Variants in SLC9A9 observed in about 807,000 individuals in gnomAD.
The protein encoded by SLC9A9 is sodium/hydrogen exchanger 9.
In SLC9A9, 62 loss-of-function variants were observed where a neutral mutation model predicts 77.8. The ratio of observed to expected loss-of-function variants is 0.80; its 90% CI spans 0.65 to 0.98. SLC9A9 has a LOEUF of 0.98. Ranked by LOEUF, SLC9A9 falls within the 50% of genes least tolerant of loss-of-function variation. The pLI is 0.00. For missense variants in SLC9A9, 775 were observed against 774.9 expected (o/e 1.00, Z 0.00); for synonymous variants, 320 against 283.5 (o/e 1.13, Z -1.29).
At chr3:143,529,650 A>G (rs549437379) in intron 9 of SLC9A9, among the ~76,000 whole-genome samples, 10 of 152,280 alleles carry the variant, frequency 6.6e-5, no homozygotes, top group African/African-American at 2.2e-4. Context: ...GGACTCAGTA[A>G]CCCATCAATG....
chr3:143,803,888 A>G (rs2008637971), intron 2 of SLC9A9, among the ~76,000 whole-genome samples: 1 of 152,104 alleles, frequency 6.6e-6, no homozygotes, highest in Non-Finnish European at 1.5e-5. Context: ...CCTCCTGAAG[A>G]ACTTCTTTAC....
At chr3:143,746,401 C>T (rs1321773926) in intron 4 of SLC9A9, among the ~76,000 whole-genome samples, 1 of 152,144 alleles carries the variant, frequency 6.6e-6, no homozygotes, top group Non-Finnish European at 1.5e-5. Flanking sequence ...AATCATAACC[C>T]TCACACAGCA....
At chr3:143,276,652 G>A (rs1388377837) in intron 14 of SLC9A9, among the ~76,000 whole-genome samples, 1 of 151,624 alleles carries the variant, frequency 6.6e-6, no homozygotes, top group Non-Finnish European at 1.5e-5. Context: ...ACTAGGAACT[G>A]TCCATGAGTC....
At chr3:143,680,354 G>T (rs1933046782) in intron 5 of SLC9A9, among the ~76,000 whole-genome samples, 1 of 152,016 alleles carries the variant, frequency 6.6e-6, no homozygotes, top group African/African-American at 2.4e-5. Context: ...AAAAGTAACA[G>T]GGATTATATA....
intron 14 of SLC9A9, among the ~76,000 whole-genome samples, chr3:143,349,141 T>C (rs2032382488): frequency 6.6e-6 from 1 of 152,208 alleles, no homozygotes; most frequent in Non-Finnish European, 1.5e-5. Flanking sequence ...GTAACACGCA[T>C]GTAGCAGTCC....
At chr3:143,621,334 C>G (rs1012510134) in intron 6 of SLC9A9, among the ~76,000 whole-genome samples, 1 of 152,194 alleles carries the variant, frequency 6.6e-6, no homozygotes, top group African/African-American at 2.4e-5. Flanking sequence ...GGGTCCCTGA[C>G]CCCCGAATAG....
intron 12 of SLC9A9, among the ~76,000 whole-genome samples, chr3:143,433,878 T>C (rs1348396127): frequency 6.6e-6 from 1 of 152,182 alleles, no homozygotes; most frequent in Non-Finnish European, 1.5e-5. Flanking sequence ...TTTTGAAGTA[T>C]AGATAACCTA....
chr3:143,775,662 C>G (rs1482468198), intron 4 of SLC9A9, among the ~76,000 whole-genome samples: 55 of 152,306 alleles, frequency 3.6e-4, no homozygotes, highest in Non-Finnish European at 2.9e-5. Flanking sequence ...TGGAACGGAA[C>G]TTTAGCTTCC....
At chr3:143,586,134 G>T (rs1032145385) in intron 6 of SLC9A9, among the ~76,000 whole-genome samples, 1 of 152,250 alleles carries the variant, frequency 6.6e-6, no homozygotes, top group Non-Finnish European at 1.5e-5. Flanking sequence ...GTCATACACA[G>T]ATGTGAGGCA....
intron 6 of SLC9A9, among the ~76,000 whole-genome samples, chr3:143,642,734 T>G (rs2038643828): frequency 1.3e-5 from 2 of 152,240 alleles, no homozygotes; most frequent in Admixed American, 1.3e-4. Context: ...TTAACTAGCC[T>G]TTCATATTTT....
chr3:143,636,078 A>T (rs898594603), intron 6 of SLC9A9, among the ~76,000 whole-genome samples: 1 of 152,184 alleles, frequency 6.6e-6, no homozygotes, highest in African/African-American at 2.4e-5. Flanking sequence ...GTGAGTTTAC[A>T]TTGAAGATAT....
chr3:143,266,622 T>A lies in SLC9A9; in HGVS notation c.*80A>T. On this transcript the variant is annotated 3_prime_UTR_variant, in exon 16 of 16. Coordinates refer to ENST00000316549, the MANE Select transcript of SLC9A9 (RefSeq NM_173653.4). ...TTAATATGTTTTCCAGCCTCTCCCC[T>A]GTACTGCCTCATCAGCTTGGCTTGT... The A allele has an allele frequency of 7.0e-7, 1 of 1,420,108 alleles. No individual in the cohort carries two copies. Among genetic ancestry groups the A allele is most frequent in the Non-Finnish European group, 9.9e-7 (1 of 1,009,772 alleles). The allele number at this position is 1,420,108 out of a possible 1,614,324, so 88.0% of individuals were successfully genotyped here. A position where few individuals can be genotyped will look rare whatever the true frequency, so the allele number is the denominator to read the frequency against.
At chr3:143,706,960 C>A (rs948198721) in intron 4 of SLC9A9, among the ~76,000 whole-genome samples, 1 of 151,946 alleles carries the variant, frequency 6.6e-6, no homozygotes, top group Non-Finnish European at 1.5e-5. Flanking sequence ...ATTTTTGGTC[C>A]CCAGTCTGAA....
rs181937249 is a variant in SLC9A9, at chr3:143,302,728, C to G, written c.1605-33748G>C. 5.9e-5 allele frequency among the ~76,000 whole-genome samples: 9 copies of G among 152,312 alleles called. No homozygotes were observed. In the East Asian group the frequency reaches 1.7e-3, roughly 29 times the overall value. ...GTTTGGTCTTATTCCTTACTGGGAACAGACAGAATGACTGCGTTTGACGAG... is the reference window on the plus strand; with the variant it reads ...GTTTGGTCTTATTCCTTACTGGGAAGAGACAGAATGACTGCGTTTGACGAG... On this transcript the variant is annotated intron_variant, in intron 14 of 15. Coordinates refer to ENST00000316549, the MANE Select transcript of SLC9A9 (RefSeq NM_173653.4).
chr3:143,523,464 C>G (rs1386288674), intron 9 of SLC9A9, among the ~76,000 whole-genome samples: 2 of 152,140 alleles, frequency 1.3e-5, no homozygotes, highest in Non-Finnish European at 2.9e-5. Context: ...ATAGTAATCA[C>G]TCCTCCTCAT....
At chr3:143,813,189 A>G (rs2008915477) in intron 2 of SLC9A9, among the ~76,000 whole-genome samples, 1 of 152,200 alleles carries the variant, frequency 6.6e-6, no homozygotes, top group African/African-American at 2.4e-5. Flanking sequence ...TGATACAAAC[A>G]GAAAATGATA....
chr3:143,504,009 G>A lies in SLC9A9; in HGVS notation c.1090-8561C>T, dbSNP rs1174904000. 13 of 453,006 alleles carry A rather than the reference G, an allele frequency of 2.9e-5. No homozygotes were observed. In the East Asian group the frequency reaches 3.5e-4, roughly 12 times the overall value. The allele number at this position is 453,006 out of a possible 1,614,324, so 28.1% of individuals were successfully genotyped here. ...CCACAACATAATCAGTGCCAGCATC[G>A]CCCCATTTGACTGGGGTAGGATCTC... On this transcript the variant is annotated intron_variant, in intron 9 of 15. Transcript: ENST00000316549.
At chr3:143,426,351 A>T (rs916920620) in intron 12 of SLC9A9, among the ~76,000 whole-genome samples, 1 of 152,250 alleles carries the variant, frequency 6.6e-6, no homozygotes, top group Non-Finnish European at 1.5e-5. Flanking sequence ...TTTTATATTC[A>T]GTCACTAGTA....
chr3:143,269,198 G>A (rs1268432696), intron 14 of SLC9A9, among the ~76,000 whole-genome samples: 1 of 152,192 alleles, frequency 6.6e-6, no homozygotes, highest in Admixed American at 6.5e-5. Context: ...AGAAATGGTG[G>A]ATGGCCCATG....
Sources: gnomAD v4.1 joint callset for allele counts (sites outside exome capture counted in the v4.1 genomes callset) on GRCh38, gnomAD v4.1.1 for gene constraint, MANE v1.5 for transcripts, NCBI Gene and HGNC (gene_info 2026-07-23, HGNC 2026-07-21) for gene names.